The following BEND2 variants were observed in gnomAD, a reference collection of about 807,000 sequenced individuals.
The protein encoded by BEND2 is BEN domain containing 2.
BEND2 carries 19 observed loss-of-function variants against 43.8 expected under a neutral mutation model. The ratio of observed to expected loss-of-function variants is 0.43; its 90% CI spans 0.30 to 0.64. BEND2 has a LOEUF of 0.64. Ranked by LOEUF, BEND2 falls within the 30% of genes least tolerant of loss-of-function variation. The pLI, the probability that BEND2 is intolerant of heterozygous loss-of-function variation, is 0.11. For missense variants in BEND2, 544 were observed against 574.0 expected, an observed-to-expected ratio of 0.95 and a Z score of 0.53; for synonymous variants, 226 against 210.1, an observed-to-expected ratio of 1.08 and a Z score of -0.66.
chrX:18,214,309 C>T (rs1925604396), intron 2 of BEND2, among the ~76,000 whole-genome samples: 1 of 111,148 alleles, frequency 9.0e-6, no homozygotes, highest in African/African-American at 3.3e-5. Flanking sequence ...TGGTATAAAA[C>T]TCAAAAACAG....
Position 18,201,878 on chromosome X carries a change from A to C in BEND2, c.970T>G (p.Leu324Val). The change falls in exon 6 of 14, where the codon TTA (leucine) becomes GTA (valine). Residue 324 changes from leucine to valine, a missense_variant. Leu to Val is a conservative substitution (Grantham distance 32, BLOSUM62 1). This residue lies in a region of BEND2 where 501 missense variants were observed against 501.6 expected (regional missense o/e 1.00). Coordinates refer to ENST00000380033, the MANE Select transcript of BEND2 (RefSeq NM_153346.5). ...NSTETANYPT[L>V]MGNYNGQNTA... ...TTTTGGCCATTGTAATTTCCCATTA[A>C]AGTTGGATAATTCGCTGTCTCAGTG... The C allele has an allele frequency of 4.1e-6, 5 of 1,210,024 alleles. No individual in the cohort carries two copies. Among genetic ancestry groups the C allele is most frequent in the Non-Finnish European group, 5.6e-6 (5 of 894,658 alleles).
At position 18,171,065 on chromosome X, in the gene BEND2, G is replaced by A. The variant is rs149017891; in HGVS notation, c.2121C>T (p.Asn707=). 3.7e-4 allele frequency: 451 copies of A among 1,210,738 alleles called. No homozygotes were observed. In the Middle Eastern group the frequency reaches 3.9e-3, roughly 10 times the overall value. ...LFTKDVLVQS[N]VYGNLKHGLC... is the part of the protein sequence containing the mutation. The stretch of plus-strand genomic sequence containing the variant: ...GGCCATGCTTCAGATTGCCATAGAC[G>A]TTACTTTGGACCAGGACATCTTTTG... Residue 707 remains asparagine (N), a synonymous_variant, in exon 13 of 14, where the codon AAC becomes AAT. Coordinates refer to ENST00000380033, the MANE Select transcript of BEND2 (RefSeq NM_153346.5).
At chrX:18,188,867 A>C (rs769373130) in intron 8 of BEND2, among the ~76,000 whole-genome samples, 2 of 112,085 alleles carry the variant, frequency 1.8e-5, no homozygotes, top group Non-Finnish European at 3.8e-5. Flanking sequence ...CTGATGCAAA[A>C]ACCCTCAACA....
intron 4 of BEND2, among the ~76,000 whole-genome samples, chrX:18,208,454 C>T (rs911954403): frequency 9.0e-6 from 1 of 110,848 alleles, no homozygotes; most frequent in Non-Finnish European, 1.9e-5. Context: ...CCACTGCACT[C>T]CAGCCTGGGT....
rs908420291 is a variant in BEND2, at chrX:18,164,708, A to T, written c.*301T>A. ...ATTGAATTTCTTTCTCTACCTTATC[A>T]AAAAAACAAAGTATATTAATGTCAA... is the stretch of plus-strand genomic sequence containing the variant. On this transcript the variant is annotated 3_prime_UTR_variant, in exon 14 of 14. Coordinates refer to ENST00000380033, the MANE Select transcript of BEND2 (RefSeq NM_153346.5). 1.0e-5 allele frequency: 2 copies of T among 196,435 alleles called. No individual in the cohort carries two copies. The highest frequency in any genetic ancestry group is 3.0e-5 in the African/African-American group (1 of 33,795). The allele number at this position is 196,435 out of a possible 1,213,427, so 16.2% of individuals were successfully genotyped here.
At chrX:18,220,216 G>A (rs930552139) in intron 1 of BEND2, among the ~76,000 whole-genome samples, 7 of 112,330 alleles carry the variant, frequency 6.2e-5, no homozygotes, top group Non-Finnish European at 1.3e-4. Context: ...CGCTGAACAG[G>A]GCTGTGTTCC....
chrX:18,171,614 G>A (rs1202238630), intron 12 of BEND2, among the ~76,000 whole-genome samples: 1 of 111,682 alleles, frequency 9.0e-6, no homozygotes, highest in Non-Finnish European at 1.9e-5. Flanking sequence ...AAAGTGTTGG[G>A]ATTACAGGTA....
chrX:18,197,882 T>C (rs932636437), intron 6 of BEND2, among the ~76,000 whole-genome samples: 11 of 111,100 alleles, frequency 9.9e-5, no homozygotes, highest in African/African-American at 3.6e-4. Context: ...ATGCTATTCT[T>C]GTGATAGTGA....
chrX:18,220,204 A>C (rs1187302924), intron 1 of BEND2, among the ~76,000 whole-genome samples: 1 of 112,363 alleles, frequency 8.9e-6, no homozygotes, highest in Non-Finnish European at 1.9e-5. Flanking sequence ...GCTATGCCAA[A>C]ACGCTGAACA....
At chrX:18,213,994 A>G (rs1925593454) in intron 2 of BEND2, 83 bp from the exon 3 acceptor site, 1 of 105,821 alleles carries the variant, frequency 9.4e-6, no homozygotes, top group Non-Finnish European at 2.0e-5. Flanking sequence ...ACCAAATTCT[A>G]TTTTTTAAGC....
intron 7 of BEND2, among the ~76,000 whole-genome samples, chrX:18,193,360 A>AAAAG (rs1555908711): frequency 1.9e-5 from 2 of 105,657 alleles, no homozygotes; most frequent in Non-Finnish European, 3.9e-5. Flanking sequence ...AAAAGAAAAG[A>AAAAG]AAAAGAGTAA....
Position 18,164,803 on chromosome X carries a change from T to C in BEND2, c.*206A>G. On this transcript the variant is annotated 3_prime_UTR_variant, in exon 14 of 14. Transcript: ENST00000380033. The stretch of plus-strand genomic sequence containing the variant: ...CTACCATTCCCTCAATCAGAGGTTG[T>C]CATCAAATCCACAGATGAAACATTA... 2.5e-6 allele frequency: 1 copy of C among 405,051 alleles called. No homozygotes were observed. Among genetic ancestry groups the C allele is most frequent in the African/African-American group, 2.5e-5 (1 of 40,022 alleles). 33.4% of individuals were successfully genotyped at this position (405,051 alleles called of 1,213,427 possible).
At chrX:18,185,944 C>T (rs1924556057) in intron 8 of BEND2, among the ~76,000 whole-genome samples, 1 of 111,364 alleles carries the variant, frequency 9.0e-6, no homozygotes, top group Admixed American at 9.6e-5. Flanking sequence ...ATTTCATCAA[C>T]ACCAGACCTA....
intron 4 of BEND2, 148 bp downstream of exon 4, chrX:18,212,417 A>T (rs895643764): frequency 9.5e-6 from 4 of 421,862 alleles, no homozygotes; most frequent in Non-Finnish European, 1.6e-5. Context: ...CATTATCTTC[A>T]TGGGGTGTAA....
At chrX:18,217,049 T>C (rs1433676322) in intron 1 of BEND2, among the ~76,000 whole-genome samples, 1 of 112,935 alleles carries the variant, frequency 8.9e-6, no homozygotes, top group African/African-American at 3.2e-5. Context: ...TGTTCAATGA[T>C]ATGCTTTTAA....
chrX:18,192,866 G>A (rs886725310), intron 7 of BEND2, among the ~76,000 whole-genome samples: 3 of 112,165 alleles, frequency 2.7e-5, no homozygotes, highest in East Asian at 2.8e-4. Context: ...TGGGCCGGGC[G>A]TGGTGGCTCA....
At chrX:18,168,823 C>G (rs1379944970) in intron 13 of BEND2, among the ~76,000 whole-genome samples, 2 of 111,786 alleles carry the variant, frequency 1.8e-5, no homozygotes, top group Non-Finnish European at 1.9e-5. Flanking sequence ...GGGTAAGAAA[C>G]TATACTAGAA....
chrX:18,166,548 G>A (rs192483712), intron 13 of BEND2, among the ~76,000 whole-genome samples: 2 of 111,250 alleles, frequency 1.8e-5, no homozygotes, highest in African/African-American at 3.3e-5. Context: ...AGGTGGCAGC[G>A]CATAGGACAA....
chrX:18,197,428 C>T (rs1012064002), intron 6 of BEND2, among the ~76,000 whole-genome samples: 6 of 110,785 alleles, frequency 5.4e-5, no homozygotes, highest in South Asian at 3.9e-4. Flanking sequence ...AGTGAGACTC[C>T]GCCTCAAAAA....
Sources: allele counts gnomAD v4.1 joint callset (sites outside exome capture counted in the v4.1 genomes callset), GRCh38; gene constraint gnomAD v4.1.1; regional missense constraint gnomAD v4.1.1; transcripts MANE v1.5; gene names NCBI Gene and HGNC (gene_info 2026-07-23, HGNC 2026-07-21).